IK: variants seen among roughly 807,000 people sequenced by gnomAD.
IK encodes protein Red.
IK carries 47 observed loss-of-function variants against 90.9 expected under a neutral mutation model. The ratio of observed to expected loss-of-function variants is 0.52; its 90% CI spans 0.41 to 0.66. The LOEUF is 0.66. IK is among the 30% of genes least tolerant of loss of function. IK has a pLI of 0.00. For synonymous variants in IK, 201 were observed against 227.5 expected, an observed-to-expected ratio of 0.88 and a Z score of 1.05; for missense variants, 385 against 709.3, an observed-to-expected ratio of 0.54 and a Z score of 5.19.
At chr5:140,652,059 G>C (rs1167173460) in intron 3 of IK, 29 bp from the exon 4 acceptor site, 2 of 1,578,596 alleles carry the variant, frequency 1.3e-6, no homozygotes, top group South Asian at 2.2e-5. Flanking sequence ...GCAATATTTT[G>C]CTATCAGTGA....
intron 9 of IK, 52 bp downstream of exon 9, chr5:140,656,044 T>G (rs887610520): frequency 2.0e-6 from 3 of 1,531,654 alleles, no homozygotes; most frequent in African/African-American, 2.7e-5. Flanking sequence ...AGCCTGGGAA[T>G]CAGCCTGGCC....
chr5:140,658,877 T>C (rs998241771), intron 11 of IK, 62 bp from the exon 12 acceptor site: 119 of 1,603,296 alleles, frequency 7.4e-5, no homozygotes, highest in Non-Finnish European at 9.5e-5. Flanking sequence ...TCTGGAGAAA[T>C]GGTCAGGGGG....
chr5:140,660,050 C>A, intron 14 of IK, 65 bp from the exon 15 acceptor site: 1 of 1,449,192 alleles, frequency 6.9e-7, no homozygotes, highest in Non-Finnish European at 9.6e-7. Flanking sequence ...CCTTGGCCCC[C>A]TCCTGGCTGA....
At chr5:140,653,470 T>A (rs1724492947) in intron 5 of IK, among the ~76,000 whole-genome samples, 1 of 148,178 alleles carries the variant, frequency 6.7e-6, no homozygotes, top group Admixed American at 6.8e-5. Flanking sequence ...GTATTTTTAG[T>A]AGAGACAGGG....
intron 1 of IK, 41 bp from the exon 2 acceptor site, chr5:140,648,430 C>G (rs367891228): frequency 1.3e-6 from 2 of 1,590,386 alleles, no homozygotes; most frequent in Admixed American, 3.3e-5. Context: ...GGATCTGACA[C>G]GTAAGAGACT....
intron 2 of IK, among the ~76,000 whole-genome samples, chr5:140,649,421 G>A (rs1048101143): frequency 5.5e-5 from 8 of 146,740 alleles, no homozygotes; most frequent in South Asian, 2.2e-4. Context: ...CACTGTGTTC[G>A]TCAGGCTGGT....
At chr5:140,654,487 T>C (rs780708781) in intron 6 of IK, 29 bp from the exon 7 acceptor site, 28 of 1,542,326 alleles carry the variant, frequency 1.8e-5, no homozygotes, top group Non-Finnish European at 2.5e-5. Context: ...ATAAAATGAG[T>C]GTCCTAACCC....
In IK at chr5:140,661,763, G is replaced by A. The variant is rs1757805309; in HGVS notation, c.1502+55G>A. The A allele has an allele frequency of 2.1e-6, 3 of 1,448,326 alleles. No homozygotes were observed. The highest frequency in any genetic ancestry group is 3.8e-5 in the Admixed American group (2 of 52,136). 89.7% of individuals were successfully genotyped at this position (1,448,326 alleles called of 1,614,324 possible). On this transcript the variant is annotated intron_variant, in intron 17 of 19. Transcript: ENST00000417647. The surrounding 1 kb of genome is among the most constrained non-coding windows in gnomAD (Gnocchi z 4.2). Reference sequence around the variant, plus strand: ...TGAGGAGGGGTGTGGGGATTTGGTGGAATAGTGCATATAAGGTTAGAGGGT... The same window carrying A: ...TGAGGAGGGGTGTGGGGATTTGGTGAAATAGTGCATATAAGGTTAGAGGGT...
rs1438470466 is a variant in IK, at chr5:140,654,735, C to T, written c.637+8C>T. The T allele has an allele frequency of 3.8e-6, 6 of 1,560,224 alleles. No homozygotes were observed. The highest frequency in any genetic ancestry group is 5.3e-6 in the Non-Finnish European group (6 of 1,134,138). On this transcript the variant is annotated splice_region_variant and intron_variant, in intron 8 of 19. Coordinates refer to ENST00000417647, the MANE Select transcript of IK (RefSeq NM_006083.4). ...AATTTAAAACACGTCTGGGTGAGTA[C>T]AGTTTCTATACTAGTGACTATGCAT...
intron 15 of IK, 97 bp downstream of exon 15, chr5:140,660,292 CT>C (rs200714869): frequency 0.069 from 19,040 of 277,328 alleles, 1 homozygote; most frequent in South Asian, 0.1. Context: ...AGGGCTACTT[CT>C]TTTTTTTTTT....
At position 140,661,595 on chromosome 5, in the gene IK, A is replaced by G. The variant is rs1049505259; in HGVS notation, c.1414-25A>G. 2 of 1,535,824 alleles carry G rather than the reference A, an allele frequency of 1.3e-6. No individual in the cohort carries two copies. The highest frequency in any genetic ancestry group is 1.2e-5 in the South Asian group (1 of 85,454). On this transcript the variant is annotated intron_variant, in intron 16 of 19. Transcript: ENST00000417647. The surrounding 1 kb of genome is among the most constrained non-coding windows in gnomAD (Gnocchi z 4.2). ...TTCCACTGACATCTCTTCCTTCCCCATCCCCCGATTCTGTCCTGCAACAGG... is the reference window on the plus strand; with the variant it reads ...TTCCACTGACATCTCTTCCTTCCCCGTCCCCCGATTCTGTCCTGCAACAGG...
At chr5:140,649,353 C>T (rs888964112) in intron 2 of IK, among the ~76,000 whole-genome samples, 5 of 151,010 alleles carry the variant, frequency 3.3e-5, no homozygotes, top group African/African-American at 9.7e-5. Context: ...GGACTACAGG[C>T]ATGTGCCACC....
intron 2 of IK, chr5:140,648,741 GT>G (rs56094200): frequency 0.23 from 106,093 of 463,732 alleles, 6,904 homozygotes; most frequent in African/African-American, 0.44. Flanking sequence ...AAGGTGTTAA[GT>G]TTTTTTTTTT....
Position 140,653,022 on chromosome 5 carries a change from G to A in IK, c.282G>A (p.Glu94=). The A allele has an allele frequency of 1.9e-6, 3 of 1,613,750 alleles. No individual in the cohort carries two copies. Among genetic ancestry groups the A allele is most frequent in the Admixed American group, 1.7e-5 (1 of 59,994 alleles). ...LRQQEIERER[E]LAEKYRDRAK... ...AACAAGAAATTGAGAGAGAGAGAGA[G>A]CTAGCAGAGAAGTACCGGGATCGTG... is the stretch of plus-strand genomic sequence containing the variant. The change falls in exon 5 of 20, where the codon GAG becomes GAA. Residue 94 remains glutamate, a synonymous_variant. Transcript: ENST00000417647.
intron 9 of IK, 132 bp from the exon 10 acceptor site, chr5:140,657,422 T>A (rs1757730449): frequency 3.2e-6 from 2 of 623,702 alleles, no homozygotes; most frequent in Admixed American, 6.6e-5. Context: ...GGAATATCCT[T>A]TCACAGCACT....
chr5:140,658,996 G>A lies in IK; in HGVS notation c.1008G>A (p.Lys336=). The part of the protein sequence containing the change: ...VPSTTKTPRD[K]ERERYRERER... The stretch of plus-strand genomic sequence containing the variant: ...CCACAACCAAGACACCTCGGGACAA[G>A]GAGCGGGAGAGATATCGGGAACGGG... Residue 336 remains lysine (K), a synonymous_variant, in exon 12 of 20, where the codon AAG becomes AAA. Coordinates refer to ENST00000417647, the MANE Select transcript of IK (RefSeq NM_006083.4). 1 of 1,613,894 alleles carries A rather than the reference G, an allele frequency of 6.2e-7. No homozygotes were observed. Among genetic ancestry groups the A allele is most frequent in the Non-Finnish European group, 8.5e-7 (1 of 1,179,768 alleles).
At position 140,659,001 on chromosome 5, in the gene IK, G is replaced by A. The variant is rs755395781; in HGVS notation, c.1013G>A (p.Arg338Gln). The A allele has an allele frequency of 8.1e-6, 13 of 1,613,688 alleles. No homozygotes were observed. The highest frequency in any genetic ancestry group is 3.3e-5 in the South Asian group (3 of 91,058). Reference sequence around the variant, plus strand: ...ACCAAGACACCTCGGGACAAGGAGCGGGAGAGATATCGGGAACGGGAGCGT... The same window carrying A: ...ACCAAGACACCTCGGGACAAGGAGCAGGAGAGATATCGGGAACGGGAGCGT... ...STTKTPRDKE[R>Q]ERYRERERDR... Residue 338 changes from arginine (R) to glutamine (Q), a missense_variant, in exon 12 of 20, where the codon CGG (arginine) becomes CAG (glutamine). Arg to Gln is a conservative substitution (Grantham distance 43). Around this residue, in one of 8 missense-constraint regions of IK, gnomAD observed 139 missense variants for 172.0 expected, o/e 0.81. Transcript: ENST00000417647.
intron 13 of IK, 45 bp from the exon 14 acceptor site, chr5:140,659,711 G>A (rs1012883869): frequency 9.6e-6 from 12 of 1,250,448 alleles, no homozygotes; most frequent in African/African-American, 1.5e-5. Flanking sequence ...AGGAGGTTGT[G>A]AGAGCCTCAG....
chr5:140,647,958 TGGCACTTGG>T lies in IK; in HGVS notation c.16+44_16+52del, dbSNP rs768635352. The T allele has an allele frequency of 4.4e-6, 7 of 1,608,864 alleles. No individual in the cohort carries two copies. The Admixed American group carries it at 1.0e-4, about 23-fold the overall frequency. On this transcript the variant is annotated intron_variant, in intron 1 of 19. Transcript: ENST00000417647. ...CAGGCCATCCGTTATTTCTTCCCCA[TGGCACTTGG>T]GGCACTTGGCGCATTATTGTAGCTT...
Sources: gnomAD v4.1 joint callset for allele counts (sites outside exome capture counted in the v4.1 genomes callset) on GRCh38, gnomAD v4.1.1 for gene constraint, gnomAD v4.1.1 regional missense constraint, Gnocchi (gnomAD v3.1) non-coding constraint, MANE v1.5 for transcripts, NCBI Gene and HGNC (gene_info 2026-07-23, HGNC 2026-07-21) for gene names.